RBFOX1: variants seen among roughly 807,000 people sequenced by gnomAD.
RBFOX1 encodes the protein RNA binding protein fox-1 homolog 1.
In RBFOX1, 8 loss-of-function variants were observed where a neutral mutation model predicts 57.7. The observed-to-expected ratio is 0.14, with a 90% confidence interval of 0.08 to 0.25. The LOEUF (loss-of-function observed/expected upper bound fraction) is 0.25. Ranked by LOEUF, RBFOX1 falls within the 10% of genes least tolerant of loss-of-function variation. The probability of loss-of-function intolerance (pLI) is 1.00; values close to 1 mark genes in which losing one functional copy is unlikely to be tolerated. For synonymous variants in RBFOX1, 326 were observed against 222.4 expected (o/e 1.47, Z -4.15); for missense variants, 611 against 548.5 (o/e 1.11, Z -1.14).
chr16:5,747,627 G>T (rs1480787722), intron 3 of RBFOX1, among the ~76,000 whole-genome samples: 1 of 152,062 alleles, frequency 6.6e-6, no homozygotes, highest in East Asian at 1.9e-4. Flanking sequence ...ATGTGTTGAG[G>T]AATTTTCCAT....
intron 1 of RBFOX1, among the ~76,000 whole-genome samples, chr16:6,290,247 C>T (rs1364181797): frequency 6.9e-6 from 1 of 144,060 alleles, no homozygotes; most frequent in Middle Eastern, 4.4e-3. Context: ...GTGTGAATAA[C>T]ATGTGCACTA....
chr16:7,070,964 G>A (rs191888842), intron 4 of RBFOX1, among the ~76,000 whole-genome samples: 136 of 149,256 alleles, frequency 9.1e-4, no homozygotes, highest in Middle Eastern at 6.8e-3. Context: ...CTTAGTGCAA[G>A]CAATTTTGCC....
intron 3 of RBFOX1, among the ~76,000 whole-genome samples, chr16:5,728,982 G>A (rs1239418486): frequency 6.6e-6 from 1 of 152,144 alleles, no homozygotes; most frequent in Non-Finnish European, 1.5e-5. Flanking sequence ...CATAGCCCTG[G>A]CTCCTGTCAA....
chr16:6,687,398 C>A (rs1275608094), intron 3 of RBFOX1, among the ~76,000 whole-genome samples: 1 of 152,080 alleles, frequency 6.6e-6, no homozygotes, highest in African/African-American at 2.4e-5. Flanking sequence ...TATAATTCAC[C>A]CATGTAACCA....
chr16:6,211,820 T>TTTA (rs2097300007), intron 1 of RBFOX1, among the ~76,000 whole-genome samples: 1 of 140,812 alleles, frequency 7.1e-6, no homozygotes, highest in Non-Finnish European at 1.5e-5. Flanking sequence ...GGAATACATC[T>TTTA]TTTATTTATT....
intron 2 of RBFOX1, among the ~76,000 whole-genome samples, chr16:6,381,906 C>G (rs1044153853): frequency 3.9e-5 from 6 of 152,206 alleles, no homozygotes; most frequent in African/African-American, 1.4e-4. Flanking sequence ...ACTGCAGATT[C>G]CACGAGGGCA....
At chr16:6,859,744 C>T (rs1036618017) in intron 3 of RBFOX1, among the ~76,000 whole-genome samples, 1 of 152,110 alleles carries the variant, frequency 6.6e-6, no homozygotes, top group African/African-American at 2.4e-5. Flanking sequence ...TGATCTTTGA[C>T]AATAGCAGAC....
intron 2 of RBFOX1, among the ~76,000 whole-genome samples, chr16:6,608,556 A>T (rs948431158): frequency 6.6e-6 from 1 of 152,140 alleles, no homozygotes; most frequent in African/African-American, 2.4e-5. Context: ...TGGAAGGCTG[A>T]GGTGGGAGAA....
At chr16:6,594,268 G>C (rs1307062842) in intron 2 of RBFOX1, among the ~76,000 whole-genome samples, 1 of 152,172 alleles carries the variant, frequency 6.6e-6, no homozygotes, top group Admixed American at 6.5e-5. Flanking sequence ...ACGAAGTTCA[G>C]ATTTAACAGA....
At chr16:7,544,650 A>G (rs1395583) in intron 5 of RBFOX1, among the ~76,000 whole-genome samples, 132,416 of 152,058 alleles carry the variant, frequency 0.87, 58,191 homozygotes, top group Non-Finnish European at 0.94. Flanking sequence ...AGCATGGTTT[A>G]GGCAACACCT....
At chr16:5,694,737 C>T (rs2050796353) in intron 3 of RBFOX1, among the ~76,000 whole-genome samples, 1 of 151,750 alleles carries the variant, frequency 6.6e-6, no homozygotes, top group African/African-American at 2.4e-5. Context: ...CCCCCAACCC[C>T]ACTATCATCA....
At chr16:6,365,410 G>A (rs1040167357) in intron 2 of RBFOX1, among the ~76,000 whole-genome samples, 4 of 151,948 alleles carry the variant, frequency 2.6e-5, no homozygotes, top group Non-Finnish European at 4.4e-5. Flanking sequence ...ATGGATGGAT[G>A]GATGGGTAGG....
intron 3 of RBFOX1, among the ~76,000 whole-genome samples, chr16:5,849,364 T>G (rs2056834665): frequency 2.6e-5 from 4 of 152,062 alleles, no homozygotes; most frequent in Admixed American, 2.0e-4. Context: ...GAAATCACCA[T>G]GAGGCCCTGC....
At chr16:5,935,104 C>G (rs2059141705) in intron 4 of RBFOX1, among the ~76,000 whole-genome samples, 1 of 152,212 alleles carries the variant, frequency 6.6e-6, no homozygotes, top group Admixed American at 6.5e-5. Flanking sequence ...TTTACTGAAG[C>G]TTTGCAAACC....
intron 3 of RBFOX1, among the ~76,000 whole-genome samples, chr16:5,646,847 A>G (rs2049070519): frequency 6.6e-6 from 1 of 151,912 alleles, no homozygotes. Flanking sequence ...GTTAGCCAGG[A>G]TGGTCTCAAT....
chr16:7,155,424 A>G (rs985350841), intron 4 of RBFOX1, among the ~76,000 whole-genome samples: 1 of 151,824 alleles, frequency 6.6e-6, no homozygotes, highest in South Asian at 2.1e-4. Context: ...CTCCATATCT[A>G]CATAAAATGA....
chr16:6,406,999 T>C (rs1473529976), intron 2 of RBFOX1, among the ~76,000 whole-genome samples: 2 of 152,080 alleles, frequency 1.3e-5, no homozygotes, highest in Non-Finnish European at 2.9e-5. Context: ...GTTCTGGAGG[T>C]CCCAATGAGA....
chr16:6,867,900 TAAAC>T (rs2060215799), intron 3 of RBFOX1, among the ~76,000 whole-genome samples: 1 of 152,176 alleles, frequency 6.6e-6, no homozygotes, highest in South Asian at 2.1e-4. Context: ...TCCATACTCT[TAAAC>T]AAGAGAGTAA....
intron 3 of RBFOX1, among the ~76,000 whole-genome samples, chr16:6,938,067 G>C (rs537267889): frequency 6.6e-6 from 1 of 152,066 alleles, no homozygotes; most frequent in East Asian, 1.9e-4. Flanking sequence ...ATATCCCTCA[G>C]TTTCTGCTTG....
Sources: allele counts gnomAD v4.1 joint callset (sites outside exome capture counted in the v4.1 genomes callset), GRCh38; gene constraint gnomAD v4.1.1; transcripts MANE v1.5; gene names NCBI Gene and HGNC (gene_info 2026-07-23, HGNC 2026-07-21).